FOCAD: variants seen among roughly 807,000 people sequenced by gnomAD.
FOCAD encodes the protein KIAA1797.
Under a neutral mutation model 225.6 loss-of-function variants are expected in FOCAD, and 198 were observed. The ratio of observed to expected loss-of-function variants is 0.88; its 90% CI spans 0.78 to 0.99. The LOEUF is 0.99. Ranked by LOEUF, FOCAD falls within the 50% of genes least tolerant of loss-of-function variation. The probability of loss-of-function intolerance (pLI) is 0.00; values close to 1 mark genes in which losing one functional copy is unlikely to be tolerated. For missense variants in FOCAD, 2,713 were observed against 2,123.6 expected (o/e 1.28, Z -5.46); for synonymous variants, 897 against 755.0 (o/e 1.19, Z -3.08).
At chr9:20,865,654 A>C (rs940455870) in intron 16 of FOCAD, among the ~76,000 whole-genome samples, 1 of 152,098 alleles carries the variant, frequency 6.6e-6, no homozygotes, top group African/African-American at 2.4e-5. Flanking sequence ...CATTTCTGTT[A>C]GTACTTGAAG....
At chr9:20,671,939 G>A (rs10964652) in intron 2 of FOCAD, among the ~76,000 whole-genome samples, 20,434 of 151,460 alleles carry the variant, frequency 0.13, 1,697 homozygotes, top group Non-Finnish European at 0.19. Context: ...GAATTTGGCC[G>A]TAATAGGAAT....
At chr9:20,866,905 T>TTTTTTTTTTTTTTTTTTC in intron 17 of FOCAD, 24 bp from the exon 18 acceptor site, 1 of 837,454 alleles carries the variant, frequency 1.2e-6, no homozygotes, top group Non-Finnish European at 1.7e-6. Context: ...TTTTTTTTTT[T>TTTTTTTTTTTTTTTTTTC]TTTTTTTTTT....
chr9:20,751,801 A>G (rs1338514829), intron 5 of FOCAD, among the ~76,000 whole-genome samples: 2,143 of 148,184 alleles, frequency 0.014, 25 homozygotes, highest in Admixed American at 0.023. Context: ...CTATTACTCC[A>G]CATCCTCTCC....
At chr9:20,897,267 T>C (rs11531714) in intron 21 of FOCAD, among the ~76,000 whole-genome samples, 15,286 of 151,854 alleles carry the variant, frequency 0.1, 1,084 homozygotes, top group East Asian at 0.24. Flanking sequence ...ATTTACGTTT[T>C]ATCTGTATGT....
At chr9:20,969,686 GA>G (rs1839588623) in intron 35 of FOCAD, among the ~76,000 whole-genome samples, 2 of 87,148 alleles carry the variant, frequency 2.3e-5, no homozygotes, top group African/African-American at 9.0e-5. Flanking sequence ...GTGAAAAGGG[GA>G]GTTATAAAAC....
chr9:20,765,862 G>A (rs969598843), intron 7 of FOCAD, among the ~76,000 whole-genome samples: 7 of 152,184 alleles, frequency 4.6e-5, no homozygotes, highest in African/African-American at 1.7e-4. Context: ...AGCTGATGGA[G>A]GGAATCTGTG....
At chr9:20,695,812 C>T (rs1033231248) in intron 1 of FOCAD, among the ~76,000 whole-genome samples, 1 of 152,228 alleles carries the variant, frequency 6.6e-6, no homozygotes, top group Admixed American at 6.5e-5. Context: ...CAGGTGTTGA[C>T]TGCAGCATTG....
At chr9:20,887,722 C>A (rs575909304) in intron 21 of FOCAD, among the ~76,000 whole-genome samples, 1 of 152,118 alleles carries the variant, frequency 6.6e-6, no homozygotes, top group Non-Finnish European at 1.5e-5. Context: ...GAGAGTGCAA[C>A]GTCATGTGGT....
intron 28 of FOCAD, among the ~76,000 whole-genome samples, chr9:20,935,225 G>C (rs532541314): frequency 1.1e-4 from 17 of 152,196 alleles, no homozygotes; most frequent in African/African-American, 4.1e-4. Context: ...AAGCTTTCTT[G>C]TTCTGAAAAC....
intron 17 of FOCAD, 41 bp downstream of exon 17, chr9:20,866,017 A>G (rs1362313669): frequency 2.0e-6 from 3 of 1,520,834 alleles, no homozygotes; most frequent in Non-Finnish European, 2.7e-6. Context: ...AACAAAGCTA[A>G]GGAAATAATT....
chr9:20,683,892 T>C (rs1015215752), upstream of FOCAD: 3 of 152,244 alleles, frequency 2.0e-5, no homozygotes, highest in African/African-American at 7.2e-5. Flanking sequence ...CTGTTCTGTA[T>C]TGCCAAAAGC....
chr9:20,707,759 GACCTTTTC>G (rs1824508774), intron 1 of FOCAD, among the ~76,000 whole-genome samples: 1 of 152,138 alleles, frequency 6.6e-6, no homozygotes, highest in Admixed American at 6.5e-5. Flanking sequence ...CGTATAAGTG[GACCTTTTC>G]TCAAGGGTCA....
chr9:20,944,912 C>A, intron 29 of FOCAD, 138 bp downstream of exon 29: 4 of 917,478 alleles, frequency 4.4e-6, no homozygotes, highest in Non-Finnish European at 6.3e-6. Context: ...GACAAACAAC[C>A]AATATTAGAT....
chr9:20,838,770 C>T (rs1361163577), intron 15 of FOCAD, among the ~76,000 whole-genome samples: 1 of 152,026 alleles, frequency 6.6e-6, no homozygotes, highest in African/African-American at 2.4e-5. Context: ...TTGAGTTCCC[C>T]ATGACTTTGA....
At chr9:20,887,474 A>G (rs1831198534) in intron 21 of FOCAD, among the ~76,000 whole-genome samples, 1 of 152,132 alleles carries the variant, frequency 6.6e-6, no homozygotes, top group Admixed American at 6.6e-5. Context: ...ACCTCAGGTG[A>G]TCCACTTGCC....
chr9:20,889,544 G>T (rs978234722), intron 21 of FOCAD, among the ~76,000 whole-genome samples: 5 of 152,114 alleles, frequency 3.3e-5, no homozygotes, highest in Admixed American at 2.0e-4. Context: ...AAAATCACTT[G>T]CCCATATATG....
intron 2 of FOCAD, among the ~76,000 whole-genome samples, chr9:20,659,833 A>C (rs1219378612): frequency 2.0e-5 from 3 of 152,242 alleles, no homozygotes; most frequent in South Asian, 4.1e-4. Flanking sequence ...ATATTGCATC[A>C]GTCTAGGCAA....
At chr9:20,897,966 G>C (rs940078594) in intron 21 of FOCAD, among the ~76,000 whole-genome samples, 4 of 151,730 alleles carry the variant, frequency 2.6e-5, no homozygotes, top group African/African-American at 9.7e-5. Flanking sequence ...GTCTGAGCAA[G>C]GCTTTATTTC....
intron 42 of FOCAD, among the ~76,000 whole-genome samples, chr9:20,992,024 G>A (rs1162647110): frequency 1.3e-5 from 2 of 152,104 alleles, no homozygotes; most frequent in African/African-American, 2.4e-5. Context: ...TTAAAGCAGG[G>A]AATTAGGAAT....
Sources: allele counts gnomAD v4.1 joint callset (sites outside exome capture counted in the v4.1 genomes callset), GRCh38; gene constraint gnomAD v4.1.1; transcripts MANE v1.5; gene names NCBI Gene and HGNC (gene_info 2026-07-23, HGNC 2026-07-21).